POLR3E: variants seen among roughly 807,000 people sequenced by gnomAD.
The protein encoded by POLR3E is DNA-directed RNA polymerase III subunit RPC5.
POLR3E carries 41 observed loss-of-function variants against 96.6 expected under a neutral mutation model. The ratio of observed to expected loss-of-function variants is 0.42; its 90% CI spans 0.33 to 0.55. The LOEUF (loss-of-function observed/expected upper bound fraction) is 0.55, where lower values mean the gene tolerates loss of function less well. Ranked by LOEUF, POLR3E falls within the 20% of genes least tolerant of loss-of-function variation. The pLI is 0.06. For synonymous variants in POLR3E, 396 were observed against 383.6 expected (o/e 1.03, Z -0.38); for missense variants, 849 against 952.1 (o/e 0.89, Z 1.43).
In POLR3E at chr16:22,299,410, C is replaced by CT. The variant is rs34579812; in HGVS notation, c.-39+1894dup. 4.8e-3 allele frequency among the ~76,000 whole-genome samples: 568 copies of CT among 117,316 alleles called. 2 individuals carry two copies. The highest frequency in any genetic ancestry group is 9.8e-3 in the Admixed American group (115 of 11,752). The allele number at this position is 117,316 out of a possible 152,430, so 77.0% of individuals were successfully genotyped here. A position where few individuals can be genotyped will look rare whatever the true frequency, so the allele number is the denominator to read the frequency against. ...TTAGGCAGGGAAATAATATGATTTA[C>CT]TTTTTTTTTTTTTTTTTTTTTGAGA... On this transcript the variant is annotated intron_variant, in intron 1 of 20. Transcript: ENST00000299853.
chr16:22,325,503 TGAG>T, intron 17 of POLR3E: 2 of 606,874 alleles, frequency 3.3e-6, no homozygotes, highest in Non-Finnish European at 5.8e-6. Flanking sequence ...TCCAGGTCTC[TGAG>T]GCTCACTCAC....
intron 1 of POLR3E, among the ~76,000 whole-genome samples, chr16:22,298,619 C>T (rs910965412): frequency 1.3e-5 from 2 of 152,122 alleles, no homozygotes; most frequent in Non-Finnish European, 1.5e-5. Context: ...AACCATACTG[C>T]CGTTTATCAG....
At chr16:22,320,972 G>A (rs1052659834) in intron 13 of POLR3E, among the ~76,000 whole-genome samples, 4 of 152,114 alleles carry the variant, frequency 2.6e-5, no homozygotes, top group Admixed American at 2.0e-4. Context: ...TTTTCTACGG[G>A]TTCGTTTAGA....
intron 3 of POLR3E, among the ~76,000 whole-genome samples, chr16:22,305,822 TGA>T (rs1408940901): frequency 6.6e-6 from 1 of 152,196 alleles, no homozygotes; most frequent in Non-Finnish European, 1.5e-5. Context: ...TGCAGACTGT[TGA>T]AAGCATTTAC....
intron 12 of POLR3E, 151 bp downstream of exon 12, chr16:22,317,357 A>G (rs1218171434): frequency 1.7e-5 from 11 of 645,258 alleles, no homozygotes; most frequent in Middle Eastern, 4.1e-4. Flanking sequence ...TTGTCTGGAA[A>G]GATAACGCAG....
At chr16:22,314,279 G>C (rs2141766665) in intron 8 of POLR3E, 151 bp downstream of exon 8, 2 of 664,064 alleles carry the variant, frequency 3.0e-6, no homozygotes, top group Non-Finnish European at 5.4e-6. Context: ...GGAACAACCT[G>C]AGTTGTTCCA....
At chr16:22,307,779 C>G (rs1384207442) in intron 3 of POLR3E, among the ~76,000 whole-genome samples, 4 of 152,166 alleles carry the variant, frequency 2.6e-5, no homozygotes, top group Admixed American at 2.0e-4. Context: ...CCTTCTCTCC[C>G]CGGATGGCCT....
intron 20 of POLR3E, 104 bp downstream of exon 20, chr16:22,332,289 C>T: frequency 1.0e-6 from 1 of 976,064 alleles, no homozygotes; most frequent in Non-Finnish European, 1.5e-6. Context: ...ATCAGGCTTC[C>T]TTGGGACCAC....
chr16:22,299,204 G>A (rs1288868998), intron 1 of POLR3E, among the ~76,000 whole-genome samples: 1 of 152,092 alleles, frequency 6.6e-6, no homozygotes, highest in Admixed American at 6.6e-5. Context: ...AATCCCTGTG[G>A]GAGAATAGAT....
intron 1 of POLR3E, among the ~76,000 whole-genome samples, chr16:22,298,205 G>T (rs930633096): frequency 6.6e-6 from 1 of 152,118 alleles, no homozygotes; most frequent in Non-Finnish European, 1.5e-5. Flanking sequence ...GGGCTTGGAG[G>T]CGGAAAGAAG....
At chr16:22,319,723 C>T (rs1019605171) in intron 13 of POLR3E, among the ~76,000 whole-genome samples, 1 of 152,066 alleles carries the variant, frequency 6.6e-6, no homozygotes, top group Non-Finnish European at 1.5e-5. Context: ...TTTAAATTGA[C>T]ACATAATGTA....
At position 22,318,180 on chromosome 16, in the gene POLR3E, G is replaced by A. The variant is rs574686579; in HGVS notation, c.866-646G>A. On this transcript the variant is annotated intron_variant, in intron 12 of 20. Transcript: ENST00000299853. This position sits in a 1 kb window ranked among gnomAD's most constrained non-coding sequence, Gnocchi z 5.0. Reference sequence around the variant, plus strand: ...ACAATCTCGGCTCACTGCAACCTCCGCCTCCCGGGTTCAAGCAATTCTCAT... The same window carrying A: ...ACAATCTCGGCTCACTGCAACCTCCACCTCCCGGGTTCAAGCAATTCTCAT... 1.7e-4 allele frequency among the ~76,000 whole-genome samples: 26 copies of A among 151,796 alleles called. No homozygotes were observed. The highest frequency in any genetic ancestry group is 6.0e-4 in the African/African-American group (25 of 41,328).
Position 22,301,179 on chromosome 16 carries a change from G to A in POLR3E, c.-38-1752G>A, listed in dbSNP as rs146131555. Among the ~76,000 whole-genome samples, 284 of 152,242 alleles carry A rather than the reference G, an allele frequency of 1.9e-3. 3 individuals carry two copies. The highest frequency in any genetic ancestry group is 3.2e-3 in the Non-Finnish European group (216 of 68,010). Reference sequence around the variant, plus strand: ...ATCGGGGGGGTAGAGCAGCTACAAAGCCCCAGAAGTGGGTTTGGAGCAGAG... The same window carrying A: ...ATCGGGGGGGTAGAGCAGCTACAAAACCCCAGAAGTGGGTTTGGAGCAGAG... On this transcript the variant is annotated intron_variant, in intron 1 of 20. Transcript: ENST00000299853.
In POLR3E at chr16:22,315,192, A is replaced by C. The variant is rs1270484883; in HGVS notation, c.626A>C (p.His209Pro). The C allele has an allele frequency of 6.3e-7, 1 of 1,596,588 alleles. No individual in the cohort carries two copies. The highest frequency in any genetic ancestry group is 8.5e-7 in the Non-Finnish European group (1 of 1,171,412). Residue 209 changes from histidine (H) to proline (P), a missense_variant, in exon 9 of 21, where the codon CAT (histidine) becomes CCT (proline). By Grantham distance (77) the His-to-Pro change is moderately conservative. Transcript: ENST00000299853. Reference protein sequence around the residue: ...KHAEEPWVHLHYYGLRDSRSE... With the variant: ...KHAEEPWVHLPYYGLRDSRSE... ...GCAGAGGAGCCCTGGGTCCACCTGCATTACTATGGCCTGAGGGTGAGCGGG... is the reference window on the plus strand; with the variant it reads ...GCAGAGGAGCCCTGGGTCCACCTGCCTTACTATGGCCTGAGGGTGAGCGGG...
At chr16:22,332,336 T>C (rs754920622) in intron 20 of POLR3E, 151 bp downstream of exon 20, 48 of 678,024 alleles carry the variant, frequency 7.1e-5, no homozygotes, top group South Asian at 3.2e-4. Context: ...CTGTTAATGA[T>C]TGATTGATTG....
intron 6 of POLR3E, chr16:22,310,173 A>C (rs910408751): frequency 1.3e-5 from 2 of 153,010 alleles, no homozygotes; most frequent in African/African-American, 2.4e-5. Context: ...CGGTGGTCCC[A>C]TAACATTATA....
Position 22,302,872 on chromosome 16 carries a change from G to T in POLR3E, c.-38-59G>T, listed in dbSNP as rs367650640. The T allele has an allele frequency of 1.2e-4, 135 of 1,163,874 alleles. 1 individual carries two copies. In the East Asian group the frequency reaches 2.6e-3, roughly 22 times the overall value. 72.1% of individuals were successfully genotyped at this position (1,163,874 alleles called of 1,614,324 possible). On this transcript the variant is annotated intron_variant, in intron 1 of 20. Coordinates refer to ENST00000299853, the MANE Select transcript of POLR3E (RefSeq NM_018119.4). ...CCAGTGCAGGGCCTGTTGCAGAATAGGCACAAGGAAATGTTGGTTGAACGA... is the reference window on the plus strand; with the variant it reads ...CCAGTGCAGGGCCTGTTGCAGAATATGCACAAGGAAATGTTGGTTGAACGA...
intron 17 of POLR3E, 116 bp from the exon 18 acceptor site, chr16:22,325,645 A>G: frequency 7.9e-7 from 1 of 1,258,710 alleles, no homozygotes; most frequent in Non-Finnish European, 1.1e-6. Context: ...GATTTTCGAG[A>G]AAGGTTGGGG....
At chr16:22,314,029 G>A in intron 7 of POLR3E, 50 bp from the exon 8 acceptor site, 4 of 1,525,692 alleles carry the variant, frequency 2.6e-6, no homozygotes, top group Non-Finnish European at 3.6e-6. Context: ...TTGAGAGAAG[G>A]GAGGTGGAGG....
Sources: allele counts gnomAD v4.1 joint callset (sites outside exome capture counted in the v4.1 genomes callset), GRCh38; gene constraint gnomAD v4.1.1; non-coding constraint Gnocchi (gnomAD v3.1); transcripts MANE v1.5; gene names NCBI Gene and HGNC (gene_info 2026-07-23, HGNC 2026-07-21).